PTPRK: variants seen among roughly 807,000 people sequenced by gnomAD.
PTPRK encodes the protein protein tyrosine phosphatase receptor type K.
Under a neutral mutation model 178.0 loss-of-function variants are expected in PTPRK, and 75 were observed. The ratio of observed to expected loss-of-function variants is 0.42; its 90% CI spans 0.35 to 0.51. The LOEUF is 0.51. Ranked by LOEUF, PTPRK falls within the 20% of genes least tolerant of loss-of-function variation. PTPRK has a pLI of 0.02. For synonymous variants in PTPRK, 637 were observed against 620.6 expected (o/e 1.03, Z -0.39); for missense variants, 1,441 against 1,797.8 (o/e 0.80, Z 3.59).
intron 2 of PTPRK, among the ~76,000 whole-genome samples, chr6:128,354,164 T>C (rs780913517): frequency 3.0e-4 from 45 of 151,708 alleles, no homozygotes; most frequent in Middle Eastern, 3.2e-3. Flanking sequence ...AATTATCATA[T>C]TCCTTACTAA....
At chr6:128,404,111 A>G (rs77381122) in intron 1 of PTPRK, among the ~76,000 whole-genome samples, 1,550 of 152,326 alleles carry the variant, frequency 0.01, 26 homozygotes, top group African/African-American at 0.035. Context: ...AAAGCTTACA[A>G]CCAAGAACCT....
At chr6:128,103,603 C>T (rs1027320229) in intron 7 of PTPRK, among the ~76,000 whole-genome samples, 79 of 152,240 alleles carry the variant, frequency 5.2e-4, no homozygotes, top group African/African-American at 1.8e-3. Context: ...GAACATCCTG[C>T]GATAGGGGTC....
At chr6:128,517,173 C>T (rs1287925979) in intron 1 of PTPRK, among the ~76,000 whole-genome samples, 3 of 151,872 alleles carry the variant, frequency 2.0e-5, no homozygotes, top group African/African-American at 7.3e-5. Flanking sequence ...GAGTAAAAAG[C>T]TGAGACTAAG....
At chr6:128,403,499 C>T (rs116583449) in intron 1 of PTPRK, among the ~76,000 whole-genome samples, 7,070 of 152,012 alleles carry the variant, frequency 0.047, 585 homozygotes, top group African/African-American at 0.16. Flanking sequence ...CTCCCCAGTA[C>T]GATCAAAATA....
chr6:128,487,888 A>G (rs1359108555), intron 1 of PTPRK, among the ~76,000 whole-genome samples: 1 of 152,082 alleles, frequency 6.6e-6, no homozygotes, highest in Non-Finnish European at 1.5e-5. Flanking sequence ...TGCCCCCAAA[A>G]CCGCATTCAA....
chr6:128,137,405 A>C (rs1181385078), intron 7 of PTPRK, among the ~76,000 whole-genome samples: 1 of 152,176 alleles, frequency 6.6e-6, no homozygotes, highest in Non-Finnish European at 1.5e-5. Flanking sequence ...AACATACAGG[A>C]GGTGGGTACG....
chr6:128,386,796 A>C (rs2128360765), intron 2 of PTPRK, among the ~76,000 whole-genome samples: 1 of 152,292 alleles, frequency 6.6e-6, no homozygotes, highest in Admixed American at 6.5e-5. Flanking sequence ...GGCTGGGTGC[A>C]GTGGCTCATG....
intron 3 of PTPRK, among the ~76,000 whole-genome samples, chr6:128,246,626 A>C (rs958009094): frequency 6.6e-6 from 1 of 152,196 alleles, no homozygotes; most frequent in Non-Finnish European, 1.5e-5. Flanking sequence ...AGGGAAAACA[A>C]ATCTCAATAG....
intron 2 of PTPRK, among the ~76,000 whole-genome samples, chr6:128,391,668 C>G (rs1839595207): frequency 6.6e-6 from 1 of 151,934 alleles, no homozygotes. Flanking sequence ...TCAAAGTGAT[C>G]CACTACTTTT....
chr6:128,323,215 A>G (rs1217495765), intron 2 of PTPRK, among the ~76,000 whole-genome samples: 1 of 152,134 alleles, frequency 6.6e-6, no homozygotes, highest in East Asian at 1.9e-4. Flanking sequence ...CACAGAGACT[A>G]AGTACAAAAA....
At chr6:128,223,085 T>C (rs1434842292) in intron 5 of PTPRK, among the ~76,000 whole-genome samples, 1 of 152,152 alleles carries the variant, frequency 6.6e-6, no homozygotes, top group Non-Finnish European at 1.5e-5. Context: ...TACTATGATA[T>C]ATTTATCAAT....
intron 13 of PTPRK, among the ~76,000 whole-genome samples, chr6:128,054,566 A>G (rs1779587031): frequency 6.6e-6 from 1 of 152,202 alleles, no homozygotes; most frequent in Non-Finnish European, 1.5e-5. Flanking sequence ...TAAATAGCAG[A>G]GGGGGGATTT....
intron 7 of PTPRK, among the ~76,000 whole-genome samples, chr6:128,098,933 T>C (rs1024918339): frequency 6.6e-6 from 1 of 151,978 alleles, no homozygotes; most frequent in African/African-American, 2.4e-5. Context: ...GGTTAATTTC[T>C]TCACTACACT....
At chr6:127,994,601 G>A (rs1776938420) in intron 18 of PTPRK, among the ~76,000 whole-genome samples, 1 of 151,710 alleles carries the variant, frequency 6.6e-6, no homozygotes, top group Admixed American at 6.6e-5. Context: ...CTTCCTTATA[G>A]GTAATGTAAT....
chr6:128,340,408 C>T (rs1199447145), intron 2 of PTPRK, among the ~76,000 whole-genome samples: 4 of 152,166 alleles, frequency 2.6e-5, no homozygotes, highest in Admixed American at 2.6e-4. Flanking sequence ...TTCTAGCAGA[C>T]CCAGCAACTG....
intron 6 of PTPRK, among the ~76,000 whole-genome samples, chr6:128,211,736 C>T (rs1252244364): frequency 6.6e-6 from 1 of 151,996 alleles, no homozygotes; most frequent in Non-Finnish European, 1.5e-5. Flanking sequence ...AACTGCAAGA[C>T]TAAACACAAA....
chr6:128,173,241 CT>C (rs1423918154), intron 7 of PTPRK, among the ~76,000 whole-genome samples: 1 of 151,988 alleles, frequency 6.6e-6, no homozygotes, highest in Non-Finnish European at 1.5e-5. Context: ...AATTTAAATA[CT>C]TGTGAACACA....
intron 1 of PTPRK, among the ~76,000 whole-genome samples, chr6:128,407,476 A>C (rs1841798000): frequency 6.6e-6 from 1 of 151,872 alleles, no homozygotes; most frequent in African/African-American, 2.4e-5. Flanking sequence ...CATGTCTACA[A>C]AAATTTCTAA....
intron 25 of PTPRK, among the ~76,000 whole-genome samples, chr6:127,979,674 TA>T (rs1372422210): frequency 3.3e-5 from 5 of 151,762 alleles, no homozygotes; most frequent in African/African-American, 1.2e-4. Context: ...CCAAAAAGAG[TA>T]AAGTAACTGG....
Sources: allele counts gnomAD v4.1 joint callset (sites outside exome capture counted in the v4.1 genomes callset), GRCh38; gene constraint gnomAD v4.1.1; transcripts MANE v1.5; gene names NCBI Gene and HGNC (gene_info 2026-07-23, HGNC 2026-07-21).